The following CD96 variants were observed in gnomAD, a reference collection of about 807,000 sequenced individuals.
CD96 encodes CD96 molecule.
CD96 carries 70 observed loss-of-function variants against 71.3 expected under a neutral mutation model. The observed-to-expected ratio is 0.98, with a 90% CI of 0.81 to 1.20. CD96 has a LOEUF of 1.20. Ranked by LOEUF, CD96 falls within the 50% of genes most tolerant of loss-of-function variation. The pLI, the probability that CD96 is intolerant of heterozygous loss-of-function variation, is 0.00. For synonymous variants in CD96, 248 were observed against 233.0 expected, an observed-to-expected ratio of 1.06 and a Z score of -0.59; for missense variants, 742 against 677.5, an observed-to-expected ratio of 1.10 and a Z score of -1.06.
chr3:111,562,452 G>T (rs567632468), intron 2 of CD96, among the ~76,000 whole-genome samples: 1 of 152,014 alleles, frequency 6.6e-6, no homozygotes, highest in Non-Finnish European at 1.5e-5. Flanking sequence ...TCTTATTTAG[G>T]TTCATTTTGT....
intron 4 of CD96, 103 bp downstream of exon 4, chr3:111,579,337 G>C (rs1936364329): frequency 2.6e-6 from 2 of 778,866 alleles, no homozygotes; most frequent in Non-Finnish European, 4.7e-6. Context: ...AGCCACATGT[G>C]GGTAACAGTG....
chr3:111,647,851 C>T (rs1434858683), intron 13 of CD96, among the ~76,000 whole-genome samples, 185 bp downstream of exon 13: 1 of 152,166 alleles, frequency 6.6e-6, no homozygotes, highest in Non-Finnish European at 1.5e-5. Flanking sequence ...TACACAACTC[C>T]TGACTCAGTA....
intron 3 of CD96, 56 bp downstream of exon 3, chr3:111,567,703 T>A: frequency 8.2e-6 from 12 of 1,456,240 alleles, no homozygotes; most frequent in Non-Finnish European, 1.2e-5. Flanking sequence ...ATTAACGAAG[T>A]AAAATGAATA....
chr3:111,542,424 T>C (rs1426215443), intron 1 of CD96, 115 bp downstream of exon 1: 11 of 800,244 alleles, frequency 1.4e-5, no homozygotes, highest in Non-Finnish European at 2.5e-5. Flanking sequence ...AAAGGACAAA[T>C]CATTACTAAG....
intron 3 of CD96, among the ~76,000 whole-genome samples, chr3:111,567,909 A>G (rs1935797272): frequency 6.6e-6 from 1 of 152,192 alleles, no homozygotes; most frequent in Non-Finnish European, 1.5e-5. Flanking sequence ...ATACCAAACC[A>G]TGGTTACAGA....
intron 5 of CD96, among the ~76,000 whole-genome samples, chr3:111,586,127 A>G (rs1298630459): frequency 6.6e-6 from 1 of 152,242 alleles, no homozygotes; most frequent in East Asian, 1.9e-4. Context: ...TGTGACATAT[A>G]TTAAGTGTTT....
intron 8 of CD96, among the ~76,000 whole-genome samples, chr3:111,623,545 G>A (rs577735930): frequency 3.9e-5 from 6 of 152,156 alleles, no homozygotes; most frequent in Middle Eastern, 3.4e-3. Flanking sequence ...TTAGGAAACC[G>A]GGTTAATAGC....
chr3:111,650,370 T>G lies in CD96; in HGVS notation c.*564T>G, dbSNP rs1940021418. The stretch of plus-strand genomic sequence containing the variant: ...AGAATACTTTGCACAGGAACCACAT[T>G]TTCAATCCTCCTTCACTGTCTTCCT... On this transcript the variant is annotated 3_prime_UTR_variant, in exon 14 of 14. Transcript: ENST00000352690. The G allele has an allele frequency of 6.0e-6, 1 of 165,750 alleles. No homozygotes were observed. Among genetic ancestry groups the G allele is most frequent in the South Asian group, 1.5e-4 (1 of 6,500 alleles). The allele number at this position is 165,750 out of a possible 1,614,324, so 10.3% of individuals were successfully genotyped here.
chr3:111,656,292 A>G (rs1478975718), downstream of CD96, among the ~76,000 whole-genome samples: 1 of 152,208 alleles, frequency 6.6e-6, no homozygotes, highest in South Asian at 2.1e-4. Flanking sequence ...ATCAAAATTT[A>G]AAAATGTACT....
rs1355520081 is a variant in CD96 at position 111,600,733 on chromosome 3, T to C, written c.906T>C (p.Tyr302=). 2.5e-6 allele frequency: 4 copies of C among 1,609,176 alleles called. No individual in the cohort carries two copies. Among genetic ancestry groups the C allele is most frequent in the Non-Finnish European group, 3.4e-6 (4 of 1,175,546 alleles). ...TTCGTATCTGTCTGGCAGGAATATA[T>C]ATTACTAATGAAGAGAGAAAAGGCA... ...SFLHDEKEGI[Y]ITNEERKGKD... is the part of the protein sequence containing the mutation. Residue 302 remains tyrosine (Y), a synonymous_variant, in exon 7 of 14, where the codon TAT becomes TAC. Transcript: ENST00000352690.
chr3:111,564,928 GA>G (rs1416533686), intron 2 of CD96, among the ~76,000 whole-genome samples: 3 of 152,062 alleles, frequency 2.0e-5, no homozygotes, highest in Admixed American at 2.0e-4. Flanking sequence ...TTGCCTATTT[GA>G]TTTCTCTTAG....
intron 2 of CD96, among the ~76,000 whole-genome samples, chr3:111,553,427 CTT>C (rs1192151996): frequency 2.4e-5 from 3 of 123,160 alleles, no homozygotes; most frequent in Non-Finnish European, 4.9e-5. Flanking sequence ...TTTAGGTTTT[CTT>C]TTTTCTTTTT....
intron 1 of CD96, among the ~76,000 whole-genome samples, chr3:111,544,054 T>C (rs1934252800): frequency 6.6e-6 from 1 of 152,202 alleles, no homozygotes. Context: ...GCTGGAGTTT[T>C]ACTGTTATAC....
intron 8 of CD96, among the ~76,000 whole-genome samples, chr3:111,609,274 C>T (rs1411747382): frequency 2.6e-5 from 4 of 152,068 alleles, no homozygotes; most frequent in Non-Finnish European, 5.9e-5. Context: ...GTAAACAAAG[C>T]CTTGAGCCCC....
At chr3:111,636,427 A>G (rs1939331707) in intron 10 of CD96, among the ~76,000 whole-genome samples, 1 of 152,252 alleles carries the variant, frequency 6.6e-6, no homozygotes, top group African/African-American at 2.4e-5. Flanking sequence ...TGGATGTAAT[A>G]TATTTGTACT....
Position 111,649,968 on chromosome 3 carries a change from A to G in CD96, c.*162A>G. 3.0e-6 allele frequency: 2 copies of G among 670,540 alleles called. No individual in the cohort carries two copies. Among genetic ancestry groups the G allele is most frequent in the Non-Finnish European group, 2.7e-6 (1 of 365,036 alleles). 41.5% of individuals were successfully genotyped at this position (670,540 alleles called of 1,614,324 possible). ...TTTTCCCAGCAACTCACCCTCTTCC[A>G]TCTCCAAACGCCTGAAGCTTAACCA... is the stretch of plus-strand genomic sequence containing the variant. On this transcript the variant is annotated 3_prime_UTR_variant, in exon 14 of 14. Coordinates refer to ENST00000352690, the MANE Select transcript of CD96 (RefSeq NM_005816.5).
At chr3:111,657,741 G>A (rs939944361) in intron 14 of CD96, among the ~76,000 whole-genome samples, 10 of 147,808 alleles carry the variant, frequency 6.8e-5, no homozygotes, top group Non-Finnish European at 1.2e-4. Flanking sequence ...AGTCAAATTG[G>A]CAGTATCAAT....
At chr3:111,601,000 C>T in intron 7 of CD96, 86 bp downstream of exon 7, 7 of 865,580 alleles carry the variant, frequency 8.1e-6, no homozygotes, top group Non-Finnish European at 1.3e-5. Context: ...ATTATCACTT[C>T]CATAACGTTT....
At chr3:111,648,310 C>T (rs141211864) in intron 13 of CD96, among the ~76,000 whole-genome samples, 1 of 152,314 alleles carries the variant, frequency 6.6e-6, no homozygotes, top group African/African-American at 2.4e-5. Context: ...GACCCCAGTA[C>T]CCAGAACTGA....
Sources: gnomAD v4.1 joint callset for allele counts (sites outside exome capture counted in the v4.1 genomes callset) on GRCh38, gnomAD v4.1.1 for gene constraint, MANE v1.5 for transcripts, NCBI Gene and HGNC (gene_info 2026-07-23, HGNC 2026-07-21) for gene names.